The following VPS33B variants were observed in gnomAD, a reference collection of about 807,000 sequenced individuals.
VPS33B encodes the protein vacuolar protein sorting-associated protein 33B.
A neutral mutation model predicts 95.3 loss-of-function variants in VPS33B; 80 were observed. The ratio of observed to expected loss-of-function variants is 0.84; its 90% CI spans 0.70 to 1.01. The LOEUF is 1.01. VPS33B is among the 50% of genes least tolerant of loss of function. The probability of loss-of-function intolerance (pLI) is 0.00; values close to 1 mark genes in which losing one functional copy is unlikely to be tolerated. For synonymous variants in VPS33B, 280 were observed against 280.4 expected, an observed-to-expected ratio of 1.00 and a Z score of 0.01; for missense variants, 715 against 773.4, an observed-to-expected ratio of 0.92 and a Z score of 0.90.
At position 91,006,519 on chromosome 15, in the gene VPS33B, G is replaced by C. The variant is rs2040609424; in HGVS notation, c.779-74C>G. On this transcript the variant is annotated intron_variant, in intron 10 of 22. Transcript: ENST00000333371. The surrounding 1 kb of genome is among the most constrained non-coding windows in gnomAD (Gnocchi z 5.4). ...CTACCATTCCCTGAACTGCCATAAA[G>C]GTCCTCAAACTATTTGGAAGCCAGC... The C allele has an allele frequency of 1.2e-6, 2 of 1,610,694 alleles. No homozygotes were observed. Among genetic ancestry groups the C allele is most frequent in the African/African-American group, 1.3e-5 (1 of 74,932 alleles).
At position 91,017,000 on chromosome 15, in the gene VPS33B, T is replaced by G; in HGVS notation, c.202A>C (p.Lys68Gln). Residue 68 changes from lysine to glutamine, a missense_variant, in exon 3 of 23, where the codon AAG (lysine) becomes CAG (glutamine). Coordinates refer to ENST00000333371, the MANE Select transcript of VPS33B (RefSeq NM_018668.5). ...CTGAGGGCTGGCTTGTTCTCCACCT[T>G]GTATAGCTTGTCTACTTCGTGTTGC... The part of the protein sequence containing the change: ...LKQHEVDKLY[K>Q]VENKPALSSN... 1 of 1,613,990 alleles carries G rather than the reference T, an allele frequency of 6.2e-7. No homozygotes were observed. The highest frequency in any genetic ancestry group is 8.5e-7 in the Non-Finnish European group (1 of 1,179,976).
At position 90,999,675 on chromosome 15, in the gene VPS33B, AC is replaced by A; in HGVS notation, c.1774+1del. 1 of 1,613,690 alleles carries A rather than the reference AC, an allele frequency of 6.2e-7. No homozygotes were observed. Among genetic ancestry groups the A allele is most frequent in the East Asian group, 2.2e-5 (1 of 44,868 alleles). The stretch of plus-strand genomic sequence containing the variant: ...AATTCTCACCTTTCTGCTCTCTCTT[AC>A]CTTTCTCTCTGCCCAGGAACCGGAG... On this transcript the variant is annotated splice_donor_variant, in intron 22 of 22. Transcript: ENST00000333371. LOFTEE classifies it high-confidence loss of function. This position sits in a 1 kb window ranked among gnomAD's most constrained non-coding sequence, Gnocchi z 5.1.
chr15:91,022,382 T>G lies in VPS33B; in HGVS notation c.-133A>C. 2 of 816,042 alleles carry G rather than the reference T, an allele frequency of 2.5e-6. No homozygotes were observed. Among genetic ancestry groups the G allele is most frequent in the Non-Finnish European group, 3.8e-6 (2 of 528,244 alleles). The allele number at this position is 816,042 out of a possible 1,614,324, so 50.6% of individuals were successfully genotyped here. On this transcript the variant is annotated 5_prime_UTR_variant, in exon 1 of 23. Transcript: ENST00000333371. ...ACTTCCAGAGACCCCAGATGGGCCC[T>G]CGCTCCTCAGCAGCACTCCAGGAAT...
rs776357060 is a variant in VPS33B, at chr15:91,006,730, C to T, written c.701-1G>A. On this transcript the variant is annotated splice_acceptor_variant, in intron 9 of 22. Coordinates refer to ENST00000333371, the MANE Select transcript of VPS33B (RefSeq NM_018668.5). LOFTEE classifies it high-confidence loss of function. This position sits in a 1 kb window ranked among gnomAD's most constrained non-coding sequence, Gnocchi z 5.4. ...CAAAGTGCTGTCACAAAGTCCACAT[C>T]TGAAACAGAGATCCCTGACCATGAA... is the stretch of plus-strand genomic sequence containing the variant. The T allele has an allele frequency of 6.2e-7, 1 of 1,614,062 alleles. No individual in the cohort carries two copies. Among genetic ancestry groups the T allele is most frequent in the Non-Finnish European group, 8.5e-7 (1 of 1,180,032 alleles).
Position 90,998,830 on chromosome 15 carries a change from T to C in VPS33B, c.*145A>G. The C allele has an allele frequency of 1.2e-6, 1 of 832,642 alleles. No individual in the cohort carries two copies. Among genetic ancestry groups the C allele is most frequent in the Non-Finnish European group, 2.0e-6 (1 of 491,564 alleles). The allele number at this position is 832,642 out of a possible 1,614,324, so 51.6% of individuals were successfully genotyped here. ...GGAAGTGAACTCTTTTCTCAGATAATGTTCTCTAAATCCCAACACGTTCCA... is the reference window on the plus strand; with the variant it reads ...GGAAGTGAACTCTTTTCTCAGATAACGTTCTCTAAATCCCAACACGTTCCA... On this transcript the variant is annotated 3_prime_UTR_variant, in exon 23 of 23. Coordinates refer to ENST00000333371, the MANE Select transcript of VPS33B (RefSeq NM_018668.5). This position sits in a 1 kb window ranked among gnomAD's most constrained non-coding sequence, Gnocchi z 4.8.
In VPS33B at chr15:91,011,994, A is replaced by T; in HGVS notation, c.357+1810T>A. Among the ~76,000 whole-genome samples the T allele has an allele frequency of 8.1e-6, 1 of 123,344 alleles. No individual in the cohort carries two copies. Among genetic ancestry groups the T allele is most frequent in the East Asian group, 6.0e-4 (1 of 1,662 alleles). The allele number at this position is 123,344 out of a possible 152,430, so 80.9% of individuals were successfully genotyped here. A position where few individuals can be genotyped will look rare whatever the true frequency, so the allele number is the denominator to read the frequency against. On this transcript the variant is annotated intron_variant, in intron 5 of 22. Coordinates refer to ENST00000333371, the MANE Select transcript of VPS33B (RefSeq NM_018668.5). The surrounding 1 kb of genome is among the most constrained non-coding windows in gnomAD (Gnocchi z 5.5). Reference sequence around the variant, plus strand: ...ACAGAGCAATGCACTGTCTCCAAAAACAAAACAAAACAAAACAAAACAAAA... The same window carrying T: ...ACAGAGCAATGCACTGTCTCCAAAATCAAAACAAAACAAAACAAAACAAAA...
At chr15:91,001,902 AG>A in intron 18 of VPS33B, 147 bp downstream of exon 18, 1 of 1,306,840 alleles carries the variant, frequency 7.7e-7, no homozygotes, top group South Asian at 1.3e-5. Flanking sequence ...TGCTCTTACT[AG>A]CAGAAGTAGT....
At chr15:91,008,418 C>T (rs1156541308) in intron 6 of VPS33B, among the ~76,000 whole-genome samples, 1 of 152,180 alleles carries the variant, frequency 6.6e-6, no homozygotes, top group Non-Finnish European at 1.5e-5. Context: ...GTGCACGCCA[C>T]CATGCCCAGC....
Position 91,005,153 on chromosome 15 carries a change from GGCCAGCTCAGCT to G in VPS33B, c.1106-46_1106-35del, listed in dbSNP as rs1477072279. 1 of 1,614,016 alleles carries G rather than the reference GGCCAGCTCAGCT, an allele frequency of 6.2e-7. No individual in the cohort carries two copies. The highest frequency in any genetic ancestry group is 2.2e-5 in the East Asian group (1 of 44,874). ...AATCAGAGGAGAGCCTGTTACTGGGGGCCAGCTCAGCTGCTGCCATCTATGCTAACAGGTGTC... is the reference window on the plus strand; with the variant it reads ...AATCAGAGGAGAGCCTGTTACTGGGGGCTGCCATCTATGCTAACAGGTGTC... On this transcript the variant is annotated intron_variant, in intron 14 of 22. Transcript: ENST00000333371. This position sits in a 1 kb window ranked among gnomAD's most constrained non-coding sequence, Gnocchi z 6.4.
At chr15:91,001,817 T>C (rs914220391) in intron 18 of VPS33B, among the ~76,000 whole-genome samples, 12 of 152,226 alleles carry the variant, frequency 7.9e-5, no homozygotes, top group African/African-American at 2.9e-4. Context: ...TGAGAAAATT[T>C]ATCTCACAGT....
chr15:91,017,365 T>TTAAAAAAA (rs1555460460), intron 2 of VPS33B, among the ~76,000 whole-genome samples: 8 of 16,994 alleles, frequency 4.7e-4, no homozygotes, highest in African/African-American at 1.3e-3. Context: ...TCTACAAAAT[T>TTAAAAAAA]AAATATATAT....
rs1596356162 is a variant in VPS33B, at chr15:91,005,614, C to T, written c.1030+80G>A. 6 of 1,588,972 alleles carry T rather than the reference C, an allele frequency of 3.8e-6. No individual in the cohort carries two copies. In the East Asian group the frequency reaches 1.1e-4, roughly 30 times the overall value. ...TGCATCAGATGAACAGGGATCTCCT[C>T]CTCGGGAGTAATGGTCCTCTGGAGC... On this transcript the variant is annotated intron_variant, in intron 13 of 22. Transcript: ENST00000333371. This position sits in a 1 kb window ranked among gnomAD's most constrained non-coding sequence, Gnocchi z 6.4.
chr15:91,001,353 C>A, intron 19 of VPS33B, 36 bp downstream of exon 19: 1 of 1,444,134 alleles, frequency 6.9e-7, no homozygotes, highest in Non-Finnish European at 9.7e-7. Context: ...ATGGAATGAA[C>A]CCACTGTCTC....
rs2040698988 is a variant in VPS33B, at chr15:91,009,035, G to T, written c.403+766C>A. ...GATAGGAGGCATGTTGGGGATTCTG[G>T]GCTTTATATTGAGCCGCTGCTATTT... On this transcript the variant is annotated intron_variant, in intron 6 of 22. Transcript: ENST00000333371. This position sits in a 1 kb window ranked among gnomAD's most constrained non-coding sequence, Gnocchi z 4.1. 6.6e-6 allele frequency among the ~76,000 whole-genome samples: 1 copy of T among 152,102 alleles called. No individual in the cohort carries two copies. The highest frequency in any genetic ancestry group is 1.5e-5 in the Non-Finnish European group (1 of 68,030).
At chr15:91,016,353 A>G (rs2040923197) in intron 3 of VPS33B, among the ~76,000 whole-genome samples, 2 of 151,742 alleles carry the variant, frequency 1.3e-5, no homozygotes, top group Non-Finnish European at 2.9e-5. Context: ...TCAGCAAGTA[A>G]TAAGAGGCCT....
At chr15:91,012,417 T>C (rs2151677770) in intron 5 of VPS33B, among the ~76,000 whole-genome samples, 1 of 152,280 alleles carries the variant, frequency 6.6e-6, no homozygotes, top group South Asian at 2.1e-4. Flanking sequence ...AGTACTATTA[T>C]CAACTCTATC....
At position 91,007,776 on chromosome 15, in the gene VPS33B, C is replaced by G; in HGVS notation, c.498+94G>C. ...ACTATCACTTGTGATAAATTACTTG[C>G]GTTGGACAAAGGTTATATTGGTATT... On this transcript the variant is annotated intron_variant, in intron 7 of 22. Transcript: ENST00000333371. The surrounding 1 kb of genome is among the most constrained non-coding windows in gnomAD (Gnocchi z 5.3). 7.7e-7 allele frequency: 1 copy of G among 1,302,096 alleles called. No individual in the cohort carries two copies. The highest frequency in any genetic ancestry group is 1.2e-5 in the South Asian group (1 of 84,326). The allele number at this position is 1,302,096 out of a possible 1,614,324, so 80.7% of individuals were successfully genotyped here. A position where few individuals can be genotyped will look rare whatever the true frequency, so the allele number is the denominator to read the frequency against.
At chr15:91,017,509 G>T (rs796381322) in intron 2 of VPS33B, among the ~76,000 whole-genome samples, 14 of 150,372 alleles carry the variant, frequency 9.3e-5, no homozygotes, top group African/African-American at 3.4e-4. Context: ...TGTGGTCCCA[G>T]CTACTTGGGA....
rs1480482875 is a variant in VPS33B at position 91,016,985 on chromosome 15, G to C, written c.217C>G (p.Pro73Ala). 6.2e-7 allele frequency: 1 copy of C among 1,613,966 alleles called. No homozygotes were observed. The highest frequency in any genetic ancestry group is 2.2e-5 in the East Asian group (1 of 44,864). ...VDKLYKVENKPALSSNEQLCF... is the reference protein window; with the variant it reads ...VDKLYKVENKAALSSNEQLCF... ...CACTGTTCATTGGAGCTGAGGGCTG[G>C]CTTGTTCTCCACCTTGTATAGCTTG... The change falls in exon 3 of 23, where the codon CCA becomes GCA. Residue 73 changes from proline (P) to alanine (A), a missense_variant. By Grantham distance (27) the Pro-to-Ala change is conservative. Transcript: ENST00000333371.
Sources: gnomAD v4.1 joint callset for allele counts (sites outside exome capture counted in the v4.1 genomes callset) on GRCh38, gnomAD v4.1.1 for gene constraint, Gnocchi (gnomAD v3.1) non-coding constraint, MANE v1.5 for transcripts, NCBI Gene and HGNC (gene_info 2026-07-23, HGNC 2026-07-21) for gene names.